C17orf78: variants seen among roughly 807,000 people sequenced by gnomAD.
The protein encoded by C17orf78 is chromosome 17 open reading frame 78.
In C17orf78, 27 loss-of-function variants were observed where a neutral mutation model predicts 31.8. The ratio of observed to expected loss-of-function variants is 0.85; its 90% CI spans 0.63 to 1.17. The LOEUF is 1.17. C17orf78 is among the 50% of genes most tolerant of loss of function. The pLI is 0.00. For missense variants in C17orf78, 258 were observed against 315.2 expected (o/e 0.82, Z 1.37); for synonymous variants, 106 against 115.1 (o/e 0.92, Z 0.51).
rs1263524505 is a variant in C17orf78 at position 37,377,859 on chromosome 17, C to T, written c.59-20C>T. The T allele has an allele frequency of 2.5e-6, 4 of 1,596,772 alleles. No individual in the cohort carries two copies. The highest frequency in any genetic ancestry group is 1.7e-4 in the Middle Eastern group (1 of 6,044). ...CCAAACCTTCCCCGGTTCCCCTCCT[C>T]CCCCTCTGCTCACCCCCAGACCTCA... On this transcript the variant is annotated intron_variant, in intron 1 of 6. Transcript: ENST00000615133.
chr17:37,390,005 G>GCCA (rs1238992662), intron 6 of C17orf78, among the ~76,000 whole-genome samples: 6 of 146,320 alleles, frequency 4.1e-5, no homozygotes, highest in Non-Finnish European at 8.9e-5. Flanking sequence ...GATTTTTAAG[G>GCCA]CCAGGCCTGA....
intron 1 of C17orf78, among the ~76,000 whole-genome samples, chr17:37,377,030 A>G (rs528907159): frequency 6.6e-6 from 1 of 152,342 alleles, no homozygotes; most frequent in South Asian, 2.1e-4. Flanking sequence ...GTGCAGCAGT[A>G]ACGAATTTGA....
chr17:37,390,273 TA>T (rs2050775659), intron 6 of C17orf78, among the ~76,000 whole-genome samples: 1 of 66,040 alleles, frequency 1.5e-5, no homozygotes, highest in Non-Finnish European at 2.6e-5. Flanking sequence ...TTATATATAA[TA>T]TATTATATAT....
intron 3 of C17orf78, among the ~76,000 whole-genome samples, chr17:37,381,776 C>T (rs553701995): frequency 5.3e-4 from 81 of 151,696 alleles, no homozygotes; most frequent in South Asian, 8.3e-4. Flanking sequence ...TACAGGCACT[C>T]GCCACCACAC....
intron 3 of C17orf78, among the ~76,000 whole-genome samples, chr17:37,381,651 A>G (rs1372051672): frequency 5.2e-5 from 7 of 134,852 alleles, no homozygotes; most frequent in South Asian, 4.7e-4. Context: ...TTTTTGAGAC[A>G]GAGTCTCGCT....
At chr17:37,390,326 A>ATCTATC (rs2050812843) in intron 6 of C17orf78, among the ~76,000 whole-genome samples, 5 of 72,910 alleles carry the variant, frequency 6.9e-5, no homozygotes, top group Non-Finnish European at 1.1e-4. Context: ...ATATATATAT[A>ATCTATC]TATATATAAA....
intron 6 of C17orf78, among the ~76,000 whole-genome samples, chr17:37,390,334 A>ATATATATATATATATATATATATCTAT (rs2050822111): frequency 3.2e-5 from 3 of 93,416 alleles, no homozygotes; most frequent in Non-Finnish European, 5.8e-5. Context: ...ATATATATAT[A>ATATATATATATATATATATATATCTAT]AAAGGCCAGC....
chr17:37,379,204 T>A lies in C17orf78; in HGVS notation c.213T>A (p.Leu71=). The change falls in exon 3 of 7, where the codon CTT becomes CTA. Residue 71 remains leucine (L), a synonymous_variant. Transcript: ENST00000615133. The stretch of plus-strand genomic sequence containing the variant: ...GGACTATAGCTACCCTGCAGTGCCT[T>A]GGCTCTGACAGCAAAGTAAAAGTCA... ...QNRTIATLQC[L]GSDSKVKVNL... is the part of the protein sequence containing the mutation. The A allele has an allele frequency of 6.2e-7, 1 of 1,614,034 alleles. No individual in the cohort carries two copies. Among genetic ancestry groups the A allele is most frequent in the Non-Finnish European group, 8.5e-7 (1 of 1,179,878 alleles).
In C17orf78 at chr17:37,391,728, G is replaced by T. The variant is rs750899305; in HGVS notation, c.*4G>T. ...TATCCACCAGACATACTTCTGAAAA[G>T]TTCTGCTCTATCTCAAAGACTGAAT... On this transcript the variant is annotated 3_prime_UTR_variant, in exon 7 of 7. Coordinates refer to ENST00000615133, the MANE Select transcript of C17orf78 (RefSeq NM_173625.5). The T allele has an allele frequency of 3.1e-6, 5 of 1,612,256 alleles. No homozygotes were observed. The Admixed American group carries it at 5.0e-5, about 16-fold the overall frequency.
chr17:37,381,879 G>A (rs1053542302), intron 3 of C17orf78, among the ~76,000 whole-genome samples: 3 of 150,858 alleles, frequency 2.0e-5, no homozygotes, highest in Non-Finnish European at 3.0e-5. Flanking sequence ...TGCCCGCCTT[G>A]GCCTCCCAAA....
intron 2 of C17orf78, among the ~76,000 whole-genome samples, chr17:37,378,804 G>T (rs2050117193): frequency 6.6e-6 from 1 of 152,180 alleles, no homozygotes; most frequent in African/African-American, 2.4e-5. Flanking sequence ...GCTCATGTCT[G>T]TAATCCCAGC....
At chr17:37,381,372 G>A (rs1315070959) in intron 3 of C17orf78, among the ~76,000 whole-genome samples, 1 of 151,756 alleles carries the variant, frequency 6.6e-6, no homozygotes, top group Admixed American at 6.6e-5. Flanking sequence ...TTTTAGTAGA[G>A]ACAAGGTTTC....
chr17:37,388,629 A>C, intron 4 of C17orf78, 41 bp from the exon 5 acceptor site: 2 of 1,591,746 alleles, frequency 1.3e-6, no homozygotes, highest in Non-Finnish European at 1.7e-6. Flanking sequence ...TCCTCTCTCA[A>C]ATTTTCTTTT....
At chr17:37,390,304 TTATATATA>T (rs1189193698) in intron 6 of C17orf78, among the ~76,000 whole-genome samples, 6 of 17,988 alleles carry the variant, frequency 3.3e-4, no homozygotes, top group African/African-American at 1.5e-3. Context: ...TTATACATAA[TTATATATA>T]TATATATATA....
At chr17:37,383,774 C>T (rs1334789770) in intron 3 of C17orf78, among the ~76,000 whole-genome samples, 1 of 152,132 alleles carries the variant, frequency 6.6e-6, no homozygotes, top group Non-Finnish European at 1.5e-5. Flanking sequence ...AAGCTCCTGT[C>T]CTCAAGTGAG....
At chr17:37,391,011 T>G (rs1396128774) in intron 6 of C17orf78, among the ~76,000 whole-genome samples, 2 of 151,466 alleles carry the variant, frequency 1.3e-5, no homozygotes, top group Non-Finnish European at 2.9e-5. Context: ...GAGGCCGAGG[T>G]GGATGGATCA....
chr17:37,390,971 T>C (rs929057128), intron 6 of C17orf78, among the ~76,000 whole-genome samples: 1 of 152,122 alleles, frequency 6.6e-6, no homozygotes, highest in Non-Finnish European at 1.5e-5. Context: ...CCAGGCGTGG[T>C]GGCTCATGCC....
rs2050073232 is a variant in C17orf78 at position 37,377,817 on chromosome 17, G to A, written c.59-62G>A. 8 of 1,367,840 alleles carry A rather than the reference G, an allele frequency of 5.8e-6. No individual in the cohort carries two copies. In the Admixed American group the frequency reaches 1.4e-4, roughly 24 times the overall value. 84.7% of individuals were successfully genotyped at this position (1,367,840 alleles called of 1,614,324 possible). A position where few individuals can be genotyped will look rare whatever the true frequency, so the allele number is the denominator to read the frequency against. ...CCAGAATTCTAAAAAGTAAGTACCAGTAAATTCTGATTTTCCCCAAACCTT... is the reference window on the plus strand; with the variant it reads ...CCAGAATTCTAAAAAGTAAGTACCAATAAATTCTGATTTTCCCCAAACCTT... On this transcript the variant is annotated intron_variant, in intron 1 of 6. Transcript: ENST00000615133.
rs181984684 is a variant in C17orf78 at position 37,379,466 on chromosome 17, G to A, written c.391+84G>A. The A allele has an allele frequency of 6.0e-5, 88 of 1,461,488 alleles. No individual in the cohort carries two copies. In the East Asian group the frequency reaches 1.1e-3, roughly 19 times the overall value. The allele number at this position is 1,461,488 out of a possible 1,614,324, so 90.5% of individuals were successfully genotyped here. On this transcript the variant is annotated intron_variant, in intron 3 of 6. Transcript: ENST00000615133. The stretch of plus-strand genomic sequence containing the variant: ...CAGCCAGAACTCCGTAGCAGGAAAA[G>A]CTACAAGAAAATGAATTATCCACTT...
Sources: allele counts gnomAD v4.1 joint callset (sites outside exome capture counted in the v4.1 genomes callset), GRCh38; gene constraint gnomAD v4.1.1; transcripts MANE v1.5; gene names NCBI Gene and HGNC (gene_info 2026-07-23, HGNC 2026-07-21).